Variants in ZNF718 observed in about 807,000 individuals in gnomAD.
ZNF718 encodes zinc finger protein 718.
ZNF718 carries 3 observed loss-of-function variants against 2.6 expected under a neutral mutation model. The ratio of observed to expected loss-of-function variants is 1.16; its 90% CI spans 0.53 to 3.01. The LOEUF (loss-of-function observed/expected upper bound fraction) is 3.01. ZNF718 is among the 30% of genes most tolerant of loss of function. The pLI is 0.03. For missense variants in ZNF718, 468 were observed against 230.0 expected (o/e 2.03, Z -6.69); for synonymous variants, 135 against 77.9 (o/e 1.73, Z -3.86).
chr4:145,562 A>G (rs1327257006), intron 3 of ZNF718, among the ~76,000 whole-genome samples: 1 of 152,146 alleles, frequency 6.6e-6, no homozygotes, highest in Non-Finnish European at 1.5e-5. Context: ...CCCCAGGCTC[A>G]AGCAATCTTC....
chr4:161,137 T>A lies in ZNF718; in HGVS notation c.452T>A (p.Val151Asp). ...ATTCAATCTAATATATGTGTCAAAG[T>A]TTTTCATAAATTTTCAAATTCAAAC... is the stretch of plus-strand genomic sequence containing the variant. ...KTIQSNICVK[V>D]FHKFSNSNKD... The change falls in exon 4 of 4, where the codon GTT (valine) becomes GAT (aspartate). Residue 151 changes from valine to aspartate, a missense_variant. By Grantham distance (152) the Val-to-Asp change is radical. Coordinates refer to ENST00000510175, the MANE Select transcript of ZNF718 (RefSeq NM_001039127.6). The A allele has an allele frequency of 1.3e-6, 1 of 757,126 alleles. No homozygotes were observed. Among genetic ancestry groups the A allele is most frequent in the Admixed American group, 1.8e-5 (1 of 54,142 alleles). The allele number at this position is 757,126 out of a possible 1,614,324, so 46.9% of individuals were successfully genotyped here. A position where few individuals can be genotyped will look rare whatever the true frequency, so the allele number is the denominator to read the frequency against.
chr4:180,455 A>G (rs1446966957), intron 3 of ZNF718, among the ~76,000 whole-genome samples: 1 of 152,230 alleles, frequency 6.6e-6, no homozygotes, highest in East Asian at 1.9e-4. Context: ...GGATCTCAGT[A>G]TAAGAAAAAC....
At chr4:187,141 T>C (rs972843696) in intron 3 of ZNF718, among the ~76,000 whole-genome samples, 3 of 152,182 alleles carry the variant, frequency 2.0e-5, no homozygotes, top group Non-Finnish European at 4.4e-5. Context: ...ATCTGGTTGC[T>C]CTTTTGTAGG....
chr4:136,386 G>A (rs1553809333), intron 3 of ZNF718: 2 of 520,286 alleles, frequency 3.8e-6, no homozygotes, highest in African/African-American at 1.9e-5. Flanking sequence ...ATGGCTGGGT[G>A]TGTCTCCTTG....
intron 3 of ZNF718, among the ~76,000 whole-genome samples, chr4:174,034 GTCAGTTTTAGGAGA>G (rs1443265743): frequency 7.9e-5 from 12 of 152,140 alleles, no homozygotes; most frequent in African/African-American, 2.9e-4. Flanking sequence ...ATGATCAAAG[GTCAGTTTTAGGAGA>G]TCAGTTTTAG....
At chr4:166,603 AT>A (rs1285633067), downstream of ZNF718, among the ~76,000 whole-genome samples, 3 of 152,208 alleles carry the variant, frequency 2.0e-5, no homozygotes, top group Admixed American at 6.5e-5. Flanking sequence ...ATGGCCAGTG[AT>A]GATGAGCATT....
At chr4:140,329 C>A (rs1715760211) in intron 3 of ZNF718, among the ~76,000 whole-genome samples, 1 of 152,180 alleles carries the variant, frequency 6.6e-6, no homozygotes, top group African/African-American at 2.4e-5. Flanking sequence ...AGGGGACGTT[C>A]TTGGCAGAGG....
At chr4:137,241 TAAA>T in intron 3 of ZNF718, among the ~76,000 whole-genome samples, 1 of 146,868 alleles carries the variant, frequency 6.8e-6, no homozygotes, top group African/African-American at 2.5e-5. Context: ...AACCTTTTTC[TAAA>T]AAAAAAAATT....
chr4:151,030 A>G (rs1384966790), intron 3 of ZNF718, among the ~76,000 whole-genome samples: 3 of 152,184 alleles, frequency 2.0e-5, no homozygotes, highest in Non-Finnish European at 4.4e-5. Context: ...CTACTAACTT[A>G]CAATTTTACA....
chr4:136,382 G>A (rs782519129), intron 3 of ZNF718: 4 of 520,242 alleles, frequency 7.7e-6, no homozygotes, highest in Non-Finnish European at 1.5e-5. Flanking sequence ...GTCCATGGCT[G>A]GGTGTGTCTC....
chr4:143,516 A>T (rs111716983), intron 3 of ZNF718, among the ~76,000 whole-genome samples: 6,150 of 152,272 alleles, frequency 0.04, 313 homozygotes, highest in African/African-American at 0.12. Context: ...AAATTCTGGG[A>T]TGCCATTGTT....
At chr4:126,903 C>T (rs1715247536) in intron 1 of ZNF718, among the ~76,000 whole-genome samples, 1 of 151,662 alleles carries the variant, frequency 6.6e-6, no homozygotes, top group African/African-American at 2.4e-5. Context: ...CTCGGCTCAC[C>T]GCATTCTCCA....
chr4:169,632 TGTTA>T (rs1323065743), intron 3 of ZNF718, among the ~76,000 whole-genome samples: 1 of 152,224 alleles, frequency 6.6e-6, no homozygotes, highest in African/African-American at 2.4e-5. Flanking sequence ...TTTTGATCTT[TGTTA>T]GTTTAAAGTC....
chr4:126,317 T>TA (rs1385355717), intron 1 of ZNF718, among the ~76,000 whole-genome samples: 3 of 152,258 alleles, frequency 2.0e-5, no homozygotes, highest in Non-Finnish European at 4.4e-5. Context: ...TCCCTTTTCT[T>TA]AAAGCATTTA....
Position 140,049 on chromosome 4 carries a change from C to T in ZNF718, c.226+8544C>T, listed in dbSNP as rs782364651. 6.6e-5 allele frequency among the ~76,000 whole-genome samples: 10 copies of T among 152,060 alleles called. No individual in the cohort carries two copies. In the South Asian group the frequency reaches 2.1e-3, roughly 32 times the overall value. On this transcript the variant is annotated intron_variant, in intron 3 of 3. Coordinates refer to ENST00000510175, the MANE Select transcript of ZNF718 (RefSeq NM_001039127.6). The stretch of plus-strand genomic sequence containing the variant: ...TTTTATCTTTTCTGCACGTGGTCCC[C>T]GATCCCTATGTGTGGCGCAGTTCAG...
In ZNF718 at chr4:162,567, G is replaced by C. The variant is rs983962811; in HGVS notation, c.*445G>C. ...GTTGAAAGACCTATTAGAAAATACA[G>C]GTCTTAAAAGTGAAGAAGAGTATTC... On this transcript the variant is annotated 3_prime_UTR_variant, in exon 4 of 4. Transcript: ENST00000510175. The C allele has an allele frequency of 1.3e-5, 2 of 154,198 alleles. No individual in the cohort carries two copies. Among genetic ancestry groups the C allele is most frequent in the African/African-American group, 4.8e-5 (2 of 41,460 alleles). The allele number at this position is 154,198 out of a possible 1,614,324, so 9.6% of individuals were successfully genotyped here.
At position 161,697 on chromosome 4, in the gene ZNF718, C is replaced by A. The variant is rs1436248713; in HGVS notation, c.1012C>A (p.Pro338Thr). The change falls in exon 4 of 4, where the codon CCC becomes ACC. Residue 338 changes from proline (P) to threonine (T), a missense_variant. Physicochemically the swap from Pro to Thr is conservative, Grantham distance 38 (BLOSUM62 -1). Transcript: ENST00000510175. ...KHKRIHTGEK[P>T]YKCEECGKSF... is the part of the protein sequence containing the mutation. ...TAAGAGAATTCATACAGGAGAGAAA[C>A]CCTACAAATGTGAAGAATGTGGAAA... The A allele has an allele frequency of 1.3e-6, 1 of 778,982 alleles. No homozygotes were observed. 48.3% of individuals were successfully genotyped at this position (778,982 alleles called of 1,614,324 possible).
chr4:164,661 G>A (rs1360298266), downstream of ZNF718, among the ~76,000 whole-genome samples: 41 of 152,144 alleles, frequency 2.7e-4, 1 homozygote. Flanking sequence ...TGTTCACAAT[G>A]TGTGTGTTAA....
intron 3 of ZNF718, among the ~76,000 whole-genome samples, chr4:152,488 C>T (rs1553812783): frequency 1.4e-5 from 2 of 147,522 alleles, no homozygotes; most frequent in Admixed American, 1.4e-4. Context: ...TGCCTTCAAG[C>T]ATCTGTTTAA....
Sources: gnomAD v4.1 joint callset for allele counts (sites outside exome capture counted in the v4.1 genomes callset) on GRCh38, gnomAD v4.1.1 for gene constraint, MANE v1.5 for transcripts, NCBI Gene and HGNC (gene_info 2026-07-23, HGNC 2026-07-21) for gene names.